CKAP2: variants seen among roughly 807,000 people sequenced by gnomAD.
CKAP2 encodes cytoskeleton-associated protein 2.
Under a neutral mutation model 58.4 loss-of-function variants are expected in CKAP2, and 46 were observed. The ratio of observed to expected loss-of-function variants is 0.79; its 90% CI spans 0.62 to 1.01. The LOEUF is 1.01. CKAP2 is among the 50% of genes least tolerant of loss of function. The pLI is 0.00. For synonymous variants in CKAP2, 293 were observed against 280.9 expected, an observed-to-expected ratio of 1.04 and a Z score of -0.43; for missense variants, 809 against 796.4, an observed-to-expected ratio of 1.02 and a Z score of -0.19.
At chr13:52,467,190 T>A (rs1409465779) in intron 6 of CKAP2, among the ~76,000 whole-genome samples, 4 of 151,988 alleles carry the variant, frequency 2.6e-5, no homozygotes, top group Non-Finnish European at 5.9e-5. Flanking sequence ...AGACTGTGAA[T>A]TACACCTTCC....
intron 5 of CKAP2, among the ~76,000 whole-genome samples, chr13:52,465,029 C>T (rs367712485): frequency 4.6e-5 from 7 of 151,724 alleles, no homozygotes; most frequent in East Asian, 1.9e-4. Flanking sequence ...CTGATAAAGA[C>T]GAGGAAAAAA....
At chr13:52,455,874 C>A in intron 1 of CKAP2, 7 of 954,336 alleles carry the variant, frequency 7.3e-6, no homozygotes, top group South Asian at 3.6e-5. Flanking sequence ...AAGAAGGAAT[C>A]CGTTAGGCGA....
rs765437565 is a variant in CKAP2 at position 52,461,466 on chromosome 13, G to T, written c.640G>T (p.Ala214Ser). ...GAAACTTTCAGCCACTATACCTAAA[G>T]CCACAAAACCTCAGCCTGTAAACAC... ...TKKLSATIPK[A>S]TKPQPVNTSS... The change falls in exon 4 of 9, where the codon GCC (alanine) becomes TCC (serine). Residue 214 changes from alanine (A) to serine (S), a missense_variant. Physicochemically the swap from Ala to Ser is moderately conservative, Grantham distance 99. Transcript: ENST00000258607. The T allele has an allele frequency of 7.2e-5, 116 of 1,613,970 alleles. No homozygotes were observed. Among genetic ancestry groups the T allele is most frequent in the Non-Finnish European group, 8.9e-5 (105 of 1,180,044 alleles).
chr13:52,462,332 A>G (rs760966199), intron 4 of CKAP2, 31 bp from the exon 5 acceptor site: 3 of 1,573,262 alleles, frequency 1.9e-6, no homozygotes, highest in South Asian at 2.4e-5. Context: ...AGCAATTTCA[A>G]AGTAACGTTT....
chr13:52,460,998 TA>T, intron 3 of CKAP2, 24 bp downstream of exon 3: 1 of 1,608,958 alleles, frequency 6.2e-7, no homozygotes, highest in East Asian at 2.2e-5. Context: ...ATAGCACTCT[TA>T]AACTGTCCCC....
At chr13:52,465,851 C>G (rs1304936802) in intron 6 of CKAP2, 2 of 376,094 alleles carry the variant, frequency 5.3e-6, no homozygotes, top group South Asian at 2.1e-5. Flanking sequence ...TTATCAAGCT[C>G]TCTTGGTTTT....
intron 6 of CKAP2, chr13:52,465,930 C>G: frequency 3.1e-6 from 1 of 317,694 alleles, no homozygotes; most frequent in South Asian, 2.8e-5. Flanking sequence ...CATATATATA[C>G]ACACATATAT....
intron 5 of CKAP2, among the ~76,000 whole-genome samples, chr13:52,464,343 A>G (rs183563543): frequency 1.7e-3 from 253 of 152,308 alleles, no homozygotes; most frequent in African/African-American, 5.7e-3. Flanking sequence ...ACCCAAGGTC[A>G]GGAGTTTGAG....
In CKAP2 at chr13:52,474,994, T is replaced by A. The variant is rs1238956329; in HGVS notation, c.1902T>A (p.Thr634=). The change falls in exon 9 of 9, where the codon ACT becomes ACA. Residue 634 remains threonine (T), a synonymous_variant. Coordinates refer to ENST00000258607, the MANE Select transcript of CKAP2 (RefSeq NM_018204.5). Reference sequence around the variant, plus strand: ...GTTCTCGACGTCTTCAAGAGAAAACTTCTAAATTGCCAGATATGTTAAAAG... The same window carrying A: ...GTTCTCGACGTCTTCAAGAGAAAACATCTAAATTGCCAGATATGTTAAAAG... ...VRRSRRLQEK[T]SKLPDMLKDH... The A allele has an allele frequency of 6.2e-7, 1 of 1,614,222 alleles. No individual in the cohort carries two copies. Among genetic ancestry groups the A allele is most frequent in the South Asian group, 1.1e-5 (1 of 91,084 alleles).
intron 1 of CKAP2, chr13:52,456,224 G>C (rs1958477469): frequency 2.8e-6 from 3 of 1,053,602 alleles, no homozygotes; most frequent in African/African-American, 3.3e-5. Flanking sequence ...CTACCATTTA[G>C]TTTCTTAAAG....
intron 1 of CKAP2, 45 bp from the exon 2 acceptor site, chr13:52,456,478 T>C: frequency 1.5e-6 from 2 of 1,377,044 alleles, no homozygotes; most frequent in Non-Finnish European, 2.0e-6. Flanking sequence ...CCGTTATCGA[T>C]GTTTTAACTA....
intron 7 of CKAP2, among the ~76,000 whole-genome samples, chr13:52,470,831 G>C (rs1361048197): frequency 6.6e-6 from 1 of 152,160 alleles, no homozygotes. Flanking sequence ...AAAGATTAGT[G>C]TACCACAAAC....
intron 1 of CKAP2, 67 bp downstream of exon 1, chr13:52,455,693 G>A: frequency 7.2e-7 from 1 of 1,387,706 alleles, no homozygotes; most frequent in East Asian, 2.9e-5. Context: ...CCCGGCGGTC[G>A]GGGCTCGGGG....
Position 52,462,494 on chromosome 13 carries a change from A to T in CKAP2, c.1232A>T (p.Glu411Val). The T allele has an allele frequency of 1.2e-6, 2 of 1,614,152 alleles. No individual in the cohort carries two copies. The highest frequency in any genetic ancestry group is 2.2e-5 in the South Asian group (2 of 91,070). ...PVGSFWTTMA[E>V]EDEQRLFTEK... Reference sequence around the variant, plus strand: ...GGGTCTTTTTGGACTACCATGGCAGAAGAAGATGAACAAAGATTATTTACT... The same window carrying T: ...GGGTCTTTTTGGACTACCATGGCAGTAGAAGATGAACAAAGATTATTTACT... The change falls in exon 5 of 9, where the codon GAA becomes GTA. Residue 411 changes from glutamate to valine, a missense_variant. Around this residue, in one of 3 missense-constraint regions of CKAP2, gnomAD observed 523 missense variants for 492.4 expected, o/e 1.06. Coordinates refer to ENST00000258607, the MANE Select transcript of CKAP2 (RefSeq NM_018204.5).
At position 52,465,468 on chromosome 13, in the gene CKAP2, A is replaced by G. The variant is rs374510275; in HGVS notation, c.1476+3A>G. 165 of 1,610,034 alleles carry G rather than the reference A, an allele frequency of 1.0e-4. No individual in the cohort carries two copies. Among genetic ancestry groups the G allele is most frequent in the Non-Finnish European group, 1.3e-4 (157 of 1,177,256 alleles). Reference sequence around the variant, plus strand: ...AAGCCATTCTGGCAGGGGCTCAGGTAAGATAAAAATTTACTGATCTTTACA... The same window carrying G: ...AAGCCATTCTGGCAGGGGCTCAGGTGAGATAAAAATTTACTGATCTTTACA... On this transcript the variant is annotated splice_donor_region_variant and intron_variant, in intron 6 of 8. Transcript: ENST00000258607.
intron 2 of CKAP2, among the ~76,000 whole-genome samples, chr13:52,459,345 C>T (rs915059763): frequency 3.3e-5 from 5 of 151,852 alleles, no homozygotes; most frequent in African/African-American, 4.8e-5. Context: ...TTTTTTGAGA[C>T]GGAGCCTTGC....
chr13:52,455,911 G>T (rs1456412826), intron 1 of CKAP2: 1 of 1,144,484 alleles, frequency 8.7e-7, no homozygotes, highest in Non-Finnish European at 1.1e-6. Flanking sequence ...CTCAGGCCGG[G>T]GTCGGTGTCG....
At chr13:52,465,800 T>C in intron 6 of CKAP2, 4 of 438,316 alleles carry the variant, frequency 9.1e-6, no homozygotes, top group Non-Finnish European at 1.8e-5. Context: ...AATTTGTTTA[T>C]TGAATATAAA....
Position 52,465,274 on chromosome 13 carries a change from C to G in CKAP2, c.1306-21C>G, listed in dbSNP as rs375485625. 7 of 1,591,028 alleles carry G rather than the reference C, an allele frequency of 4.4e-6. No homozygotes were observed. In the African/African-American group the frequency reaches 8.1e-5, roughly 18 times the overall value. On this transcript the variant is annotated intron_variant, in intron 5 of 8. Transcript: ENST00000258607. Reference sequence around the variant, plus strand: ...TTTGTAAGCTAAAAAATATTACACACATTTTTTCTTGCTTTTTTAGGGATG... The same window carrying G: ...TTTGTAAGCTAAAAAATATTACACAGATTTTTTCTTGCTTTTTTAGGGATG...
Sources: gnomAD v4.1 joint callset for allele counts (sites outside exome capture counted in the v4.1 genomes callset) on GRCh38, gnomAD v4.1.1 for gene constraint, gnomAD v4.1.1 regional missense constraint, MANE v1.5 for transcripts, NCBI Gene and HGNC (gene_info 2026-07-23, HGNC 2026-07-21) for gene names.